The following PLXNA3 variants were observed in gnomAD, a reference collection of about 807,000 sequenced individuals.
The protein encoded by PLXNA3 is plexin A3, also known as plexin-A3.
Under a neutral mutation model 118.8 loss-of-function variants are expected in PLXNA3, and 52 were observed. That is an observed-to-expected ratio of 0.44 (90% CI 0.35 to 0.55). The LOEUF (loss-of-function observed/expected upper bound fraction) is 0.55. PLXNA3 is among the 20% of genes least tolerant of loss of function. The probability of loss-of-function intolerance (pLI) is 0.01; values close to 1 mark genes in which losing one functional copy is unlikely to be tolerated. For synonymous variants in PLXNA3, 925 were observed against 762.4 expected, an observed-to-expected ratio of 1.21 and a Z score of -3.51; for missense variants, 1,660 against 1,730.8, an observed-to-expected ratio of 0.96 and a Z score of 0.73.
intron 6 of PLXNA3, 76 bp from the exon 7 acceptor site, chrX:154,463,875 C>A (rs113138142): frequency 1.7e-4 from 193 of 1,132,661 alleles, no homozygotes; most frequent in Non-Finnish European, 2.1e-4. Flanking sequence ...CTCGCTGTTG[C>A]CTGGCACTGT....
In PLXNA3 at chrX:154,460,224, T is replaced by G; in HGVS notation, c.41T>G (p.Val14Gly). 1 of 1,199,001 alleles carries G rather than the reference T, an allele frequency of 8.3e-7. No individual in the cohort carries two copies. Among genetic ancestry groups the G allele is most frequent in the African/African-American group, 1.7e-5 (1 of 57,296 alleles). ...VCLLLLLFLA[V>G]GGALGNRPFR... ...CTCCTCCTGCTGCTCTTCCTTGCCG[T>G]GGGGGGGGCCCTGGGCAACAGGCCC... Residue 14 changes from valine to glycine, a missense_variant, in exon 2 of 33, where the codon GTG becomes GGG. Coordinates refer to ENST00000369682, the MANE Select transcript of PLXNA3 (RefSeq NM_017514.5).
In PLXNA3 at chrX:154,470,091, A is replaced by G. The variant is rs782399274; in HGVS notation, c.4910A>G (p.His1637Arg). ...TGGCACCTGGTGAAAAACCACGACC[A>G]TGCCGACCATCGCGAGGGGGACCGT... ...KLWHLVKNHD[H>R]ADHREGDRGS... Residue 1637 changes from histidine to arginine, a missense_variant, in exon 29 of 33, where the codon CAT (histidine) becomes CGT (arginine). Coordinates refer to ENST00000369682, the MANE Select transcript of PLXNA3 (RefSeq NM_017514.5). 1 of 1,211,345 alleles carries G rather than the reference A, an allele frequency of 8.3e-7. No individual in the cohort carries two copies. Among genetic ancestry groups the G allele is most frequent in the African/African-American group, 1.7e-5 (1 of 57,905 alleles).
At position 154,460,515 on chromosome X, in the gene PLXNA3, C is replaced by A; in HGVS notation, c.332C>A (p.Ala111Asp). ...GACTATGCGGCCCGCCGCCTGGTGG[C>A]CTGCGGCAGCATCTGGCAGGGCATC... ...LIDYAARRLVACGSIWQGICQ... is the reference protein window; with the variant it reads ...LIDYAARRLVDCGSIWQGICQ... Residue 111 changes from alanine to aspartate, a missense_variant, in exon 2 of 33, where the codon GCC becomes GAC. By Grantham distance (126) the Ala-to-Asp change is moderately radical. Transcript: ENST00000369682. 8.3e-7 allele frequency: 1 copy of A among 1,210,098 alleles called. No homozygotes were observed. The highest frequency in any genetic ancestry group is 1.1e-6 in the Non-Finnish European group (1 of 894,789).
At chrX:154,462,906 T>C (rs1557205286) in intron 4 of PLXNA3, among the ~76,000 whole-genome samples, 1 of 110,752 alleles carries the variant, frequency 9.0e-6, no homozygotes, top group Non-Finnish European at 1.9e-5. Flanking sequence ...TGCAGTGCCA[T>C]CCCCCAGGAG....
chrX:154,464,090 G>C lies in PLXNA3; in HGVS notation c.1671+16G>C. ...TGGGGTGCAGGTGAGCAGCTTGGGG[G>C]TGCCCGGCTGGGTGTGCACATGTGT... On this transcript the variant is annotated intron_variant, in intron 7 of 32. Transcript: ENST00000369682. The C allele has an allele frequency of 8.3e-7, 1 of 1,210,929 alleles. No individual in the cohort carries two copies. Among genetic ancestry groups the C allele is most frequent in the Non-Finnish European group, 1.1e-6 (1 of 895,077 alleles).
At chrX:154,463,722 G>A in intron 6 of PLXNA3, 32 bp downstream of exon 6, 1 of 1,114,624 alleles carries the variant, frequency 9.0e-7, no homozygotes, top group Middle Eastern at 3.4e-4. Flanking sequence ...CGGGGAGTTG[G>A]AGGGCCCCAC....
In PLXNA3 at chrX:154,464,194, C is replaced by T. The variant is rs782557318; in HGVS notation, c.1709C>T (p.Ala570Val). The change falls in exon 8 of 33, where the codon GCG becomes GTG. Residue 570 changes from alanine to valine, a missense_variant. Ala to Val is a moderately conservative substitution (Grantham distance 64). Transcript: ENST00000369682. The part of the protein sequence containing the change: ...VTLHNVPDLS[A>V]GVSCAFEAAA... ...CTGCACAACGTGCCAGACCTCAGTG[C>T]GGGCGTGAGCTGCGCCTTCGAGGCG... is the stretch of plus-strand genomic sequence containing the variant. 31 of 1,208,166 alleles carry T rather than the reference C, an allele frequency of 2.6e-5. No individual in the cohort carries two copies. In the African/African-American group the frequency reaches 2.6e-4, roughly 10 times the overall value.
intron 4 of PLXNA3, among the ~76,000 whole-genome samples, chrX:154,463,159 C>T (rs1557205386): frequency 9.0e-6 from 1 of 111,427 alleles, no homozygotes; most frequent in Non-Finnish European, 1.9e-5. Flanking sequence ...TCTTCCCCTC[C>T]CCTGCATCCC....
At position 154,475,421 on chromosome X, in the gene PLXNA3, G is replaced by C. The variant is rs75866697; in HGVS notation, c.*2736G>C. 1 of 109,262 alleles carries C rather than the reference G, an allele frequency of 9.2e-6. No individual in the cohort carries two copies. The highest frequency in any genetic ancestry group is 1.9e-5 in the Non-Finnish European group (1 of 52,161). The allele number at this position is 109,262 out of a possible 1,213,427, so 9.0% of individuals were successfully genotyped here. A position where few individuals can be genotyped will look rare whatever the true frequency, so the allele number is the denominator to read the frequency against. The stretch of plus-strand genomic sequence containing the variant: ...TGGCCTTTCTTCTTTTTTTGTTTTT[G>C]TTTTTTTTTGAGATGCAATTTTAAA... On this transcript the variant is annotated 3_prime_UTR_variant, in exon 33 of 33. Transcript: ENST00000369682.
intron 4 of PLXNA3, among the ~76,000 whole-genome samples, chrX:154,463,154 C>T (rs1415815020): frequency 9.0e-6 from 1 of 111,446 alleles, no homozygotes; most frequent in Non-Finnish European, 1.9e-5. Context: ...CTAGCTCTTC[C>T]CCTCCCCTGC....
In PLXNA3 at chrX:154,466,192, G is replaced by A. The variant is rs145476494; in HGVS notation, c.2721G>A (p.Pro907=). The A allele has an allele frequency of 5.8e-6, 7 of 1,208,609 alleles. No individual in the cohort carries two copies. The highest frequency in any genetic ancestry group is 2.4e-4 in the Middle Eastern group (1 of 4,228). ...EMEESLVPSP[P]PGPVELCVGD... is the part of the protein sequence containing the mutation. Reference sequence around the variant, plus strand: ...AGGAGTCGCTGGTGCCCAGCCCGCCGCCGGGGCCCGTGGAGCTGTGTGTGG... The same window carrying A: ...AGGAGTCGCTGGTGCCCAGCCCGCCACCGGGGCCCGTGGAGCTGTGTGTGG... Residue 907 remains proline (P), a synonymous_variant, in exon 15 of 33, where the codon CCG becomes CCA. Transcript: ENST00000369682.
Position 154,460,207 on chromosome X carries a change from G to A in PLXNA3, c.24G>A (p.Leu8=). The A allele has an allele frequency of 8.3e-7, 1 of 1,207,555 alleles. No individual in the cohort carries two copies. Among genetic ancestry groups the A allele is most frequent in the Non-Finnish European group, 1.1e-6 (1 of 893,113 alleles). Residue 8 remains leucine, a synonymous_variant, in exon 2 of 33, where the codon CTG becomes CTA. Coordinates refer to ENST00000369682, the MANE Select transcript of PLXNA3 (RefSeq NM_017514.5). MPSVCLL[L]LLFLAVGGAL... is the part of the protein sequence containing the mutation. ...CCATGCCCTCTGTCTGCCTCCTCCT[G>A]CTGCTCTTCCTTGCCGTGGGGGGGG...
chrX:154,474,470 T>C lies in PLXNA3; in HGVS notation c.*1785T>C, dbSNP rs1293952233. On this transcript the variant is annotated 3_prime_UTR_variant, in exon 33 of 33. Coordinates refer to ENST00000369682, the MANE Select transcript of PLXNA3 (RefSeq NM_017514.5). Reference sequence around the variant, plus strand: ...GCCAGGTGAGATGGAATCTTATTTTTACTTTTTATGTTTTTTTTTTTTTCT... The same window carrying C: ...GCCAGGTGAGATGGAATCTTATTTTCACTTTTTATGTTTTTTTTTTTTTCT... 1.9e-5 allele frequency: 2 copies of C among 106,130 alleles called. No homozygotes were observed. Among genetic ancestry groups the C allele is most frequent in the East Asian group, 5.8e-4 (2 of 3,442 alleles). The allele number at this position is 106,130 out of a possible 1,213,427, so 8.7% of individuals were successfully genotyped here. A position where few individuals can be genotyped will look rare whatever the true frequency, so the allele number is the denominator to read the frequency against.
rs1217113671 is a variant in PLXNA3, at chrX:154,467,038, G to A, written c.3108-19G>A. ...GGTGCACTGGAGGAGGGAGCCTGAGGCCCCTGCCCTGTCCCTAGTGGAAGC... is the reference window on the plus strand; with the variant it reads ...GGTGCACTGGAGGAGGGAGCCTGAGACCCCTGCCCTGTCCCTAGTGGAAGC... On this transcript the variant is annotated intron_variant, in intron 17 of 32. Transcript: ENST00000369682. 1.3e-5 allele frequency: 15 copies of A among 1,182,663 alleles called. No individual in the cohort carries two copies. The highest frequency in any genetic ancestry group is 1.7e-5 in the Non-Finnish European group (15 of 871,265).
chrX:154,458,861 G>C (rs1557202616), intron 1 of PLXNA3, among the ~76,000 whole-genome samples: 1 of 111,792 alleles, frequency 8.9e-6, no homozygotes, highest in African/African-American at 3.3e-5. Flanking sequence ...TACAGGTGGG[G>C]GCTGGGCCTG....
At chrX:154,458,540 C>T (rs1421562941) in intron 1 of PLXNA3, 112 bp downstream of exon 1, 1 of 112,541 alleles carries the variant, frequency 8.9e-6, no homozygotes, top group African/African-American at 3.2e-5. Flanking sequence ...TATCCCTGCC[C>T]GTCGGCGCCG....
chrX:154,461,067 A>T, intron 2 of PLXNA3, 32 bp from the exon 3 acceptor site: 1 of 1,152,737 alleles, frequency 8.7e-7, no homozygotes, highest in Non-Finnish European at 1.2e-6. Context: ...ACAGGGCCTC[A>T]CCGGATGCTG....
At position 154,476,712 on chromosome X, in the gene PLXNA3, C is replaced by A. The variant is rs1380730905; in HGVS notation, c.*4027C>A. On this transcript the variant is annotated 3_prime_UTR_variant, in exon 33 of 33. Coordinates refer to ENST00000369682, the MANE Select transcript of PLXNA3 (RefSeq NM_017514.5). ...ATGCCAAATGAAAGAACACGCCAAA[C>A]CAGACAAAATATATGGAATGCAGAG... 9.0e-6 allele frequency: 1 copy of A among 111,366 alleles called. No homozygotes were observed. Among genetic ancestry groups the A allele is most frequent in the Non-Finnish European group, 1.9e-5 (1 of 53,030 alleles). The allele number at this position is 111,366 out of a possible 1,213,427, so 9.2% of individuals were successfully genotyped here. A position where few individuals can be genotyped will look rare whatever the true frequency, so the allele number is the denominator to read the frequency against.
chrX:154,471,374 C>T, intron 31 of PLXNA3, 57 bp downstream of exon 31: 1 of 1,160,896 alleles, frequency 8.6e-7, no homozygotes, highest in Non-Finnish European at 1.2e-6. Context: ...CCCTGGGCTG[C>T]CTGTGCGAGG....
Sources: gnomAD v4.1 joint callset for allele counts (sites outside exome capture counted in the v4.1 genomes callset) on GRCh38, gnomAD v4.1.1 for gene constraint, MANE v1.5 for transcripts, NCBI Gene and HGNC (gene_info 2026-07-23, HGNC 2026-07-21) for gene names.